MPPED1: variants seen among roughly 807,000 people sequenced by gnomAD.
MPPED1 encodes the protein metallophosphoesterase domain containing 1.
Under a neutral mutation model 36.2 loss-of-function variants are expected in MPPED1, and 16 were observed. The observed-to-expected ratio is 0.44, with a 90% CI of 0.30 to 0.67. The LOEUF (loss-of-function observed/expected upper bound fraction) is 0.67. Ranked by LOEUF, MPPED1 falls within the 30% of genes least tolerant of loss-of-function variation. MPPED1 has a pLI of 0.10. For synonymous variants in MPPED1, 199 were observed against 191.3 expected, an observed-to-expected ratio of 1.04 and a Z score of -0.33; for missense variants, 307 against 453.4, an observed-to-expected ratio of 0.68 and a Z score of 2.93.
chr22:43,468,757 C>T (rs964667021), intron 3 of MPPED1, among the ~76,000 whole-genome samples: 11 of 152,220 alleles, frequency 7.2e-5, no homozygotes, highest in African/African-American at 2.2e-4. Context: ...AATCAGGGCT[C>T]ATGGAGAGCT....
At chr22:43,415,225 C>CAAAAAAAAAAAAA (rs34357060) in intron 1 of MPPED1, among the ~76,000 whole-genome samples, 1 of 49,414 alleles carries the variant, frequency 2.0e-5, no homozygotes, top group Non-Finnish European at 3.5e-5. Flanking sequence ...ATGTCAAAAG[C>CAAAAAAAAAAAAA]AAAAAAAAAA....
Position 43,469,016 on chromosome 22 carries a change from C to T in MPPED1, c.407-5720C>T, listed in dbSNP as rs544239311. Among the ~76,000 whole-genome samples, 9 of 152,294 alleles carry T rather than the reference C, an allele frequency of 5.9e-5. No individual in the cohort carries two copies. In the East Asian group the frequency reaches 1.7e-3, roughly 30 times the overall value. On this transcript the variant is annotated intron_variant, in intron 3 of 6. Transcript: ENST00000443721. The stretch of plus-strand genomic sequence containing the variant: ...GGGGTGCTCTGTAGAGAGGCTTTTT[C>T]TTTAGCTTCCCCATGTTGTGCCCAT...
At chr22:43,495,549 T>G (rs1173036129) in intron 4 of MPPED1, among the ~76,000 whole-genome samples, 3 of 101,298 alleles carry the variant, frequency 3.0e-5, no homozygotes, top group Non-Finnish European at 2.1e-5. Context: ...ATGGTGGTGG[T>G]GGAGATGGTG....
In MPPED1 at chr22:43,505,554, G is replaced by A. The variant is rs745854598; in HGVS notation, c.919G>A (p.Val307Met). ...TTYVNASVCT[V>M]NYQPVNPPIV... is the part of the protein sequence containing the mutation. The stretch of plus-strand genomic sequence containing the variant: ...CTATGTGAATGCGTCCGTATGCACT[G>A]TGAACTACCAGCCCGTGAACCCGCC... Residue 307 changes from valine (V) to methionine (M), a missense_variant, in exon 7 of 7, where the codon GTG becomes ATG. By Grantham distance (21) the Val-to-Met change is conservative. Coordinates refer to ENST00000443721, the MANE Select transcript of MPPED1 (RefSeq NM_001044370.2). The A allele has an allele frequency of 1.2e-6, 2 of 1,612,908 alleles. No individual in the cohort carries two copies. The highest frequency in any genetic ancestry group is 2.2e-5 in the East Asian group (1 of 44,850).
In MPPED1 at chr22:43,473,320, G is replaced by C. The variant is rs1931439142; in HGVS notation, c.407-1416G>C. Among the ~76,000 whole-genome samples, 4 of 152,204 alleles carry C rather than the reference G, an allele frequency of 2.6e-5. No homozygotes were observed. The South Asian group carries it at 8.3e-4, about 32-fold the overall frequency. Reference sequence around the variant, plus strand: ...TGTTCTGGCACCTTGCCCTGTGTGTGCTTTAGCAGATGAAGGTCATGGTCT... The same window carrying C: ...TGTTCTGGCACCTTGCCCTGTGTGTCCTTTAGCAGATGAAGGTCATGGTCT... On this transcript the variant is annotated intron_variant, in intron 3 of 6. Transcript: ENST00000443721.
intron 3 of MPPED1, among the ~76,000 whole-genome samples, chr22:43,438,721 T>C (rs528083715): frequency 3.9e-4 from 59 of 152,222 alleles, no homozygotes; most frequent in African/African-American, 1.4e-3. Flanking sequence ...TTTCTGGTAA[T>C]TTCAAACAAA....
In MPPED1 at chr22:43,419,714, C is replaced by T. The variant is rs533448848; in HGVS notation, c.-78-5194C>T. On this transcript the variant is annotated intron_variant, in intron 1 of 6. Transcript: ENST00000443721. ...GACCATGGTGATGGGGGGTCAAGAC[C>T]GCCAGGAGACCAGACAAGTTTGGGG... Among the ~76,000 whole-genome samples the T allele has an allele frequency of 5.1e-4, 75 of 147,186 alleles. 1 individual carries two copies. The highest frequency in any genetic ancestry group is 1.9e-3 in the African/African-American group (73 of 39,448).
At chr22:43,450,026 C>CAGGT (rs1930508402) in intron 3 of MPPED1, among the ~76,000 whole-genome samples, 1 of 152,168 alleles carries the variant, frequency 6.6e-6, no homozygotes, top group Non-Finnish European at 1.5e-5. Flanking sequence ...GGGACACCAG[C>CAGGT]AGGTACCATG....
At chr22:43,498,431 T>C in intron 5 of MPPED1, 81 bp downstream of exon 5, 1 of 1,123,608 alleles carries the variant, frequency 8.9e-7, no homozygotes, top group Non-Finnish European at 1.3e-6. Context: ...TGGCTGGGCC[T>C]GTATAGGGGA....
At chr22:43,440,642 C>A (rs1301694310) in intron 3 of MPPED1, among the ~76,000 whole-genome samples, 1 of 152,196 alleles carries the variant, frequency 6.6e-6, no homozygotes, top group African/African-American at 2.4e-5. Flanking sequence ...CTGTGACTGG[C>A]AGGTGCCAGG....
At chr22:43,466,492 C>T (rs752700137) in intron 3 of MPPED1, among the ~76,000 whole-genome samples, 7 of 152,132 alleles carry the variant, frequency 4.6e-5, no homozygotes, top group Non-Finnish European at 1.0e-4. Context: ...TGAATAGCCC[C>T]GAAATGCAAT....
At chr22:43,419,829 A>G (rs1170902240) in intron 1 of MPPED1, among the ~76,000 whole-genome samples, 1 of 152,094 alleles carries the variant, frequency 6.6e-6, no homozygotes, top group African/African-American at 2.4e-5. Flanking sequence ...GTTGGCGTCA[A>G]ATGGGACCTG....
In MPPED1 at chr22:43,435,034, G is replaced by C; in HGVS notation, c.225G>C (p.Met75Ile). ...QGRFQPPHVQ[M>I]VDPVPHDAPK... is the part of the protein sequence containing the mutation. The stretch of plus-strand genomic sequence containing the variant: ...TCCGCAGTGTCATCTCTCCCTGCAG[G>C]GTGGACCCGGTGCCTCACGATGCCC... The change falls in exon 3 of 7, where the codon ATG becomes ATC. Residue 75 changes from methionine to isoleucine, a missense_variant and splice_region_variant. Around this residue, in one of 3 missense-constraint regions of MPPED1, gnomAD observed 169 missense variants for 212.3 expected, o/e 0.80. Coordinates refer to ENST00000443721, the MANE Select transcript of MPPED1 (RefSeq NM_001044370.2). The C allele has an allele frequency of 6.2e-7, 1 of 1,613,404 alleles. No homozygotes were observed. Among genetic ancestry groups the C allele is most frequent in the Non-Finnish European group, 8.5e-7 (1 of 1,179,744 alleles).
At chr22:43,475,051 G>GA in intron 4 of MPPED1, 90 bp downstream of exon 4, 1 of 1,187,052 alleles carries the variant, frequency 8.4e-7, no homozygotes, top group Non-Finnish European at 1.2e-6. Context: ...GTAGCAGCAG[G>GA]GAGCTCCGGA....
intron 4 of MPPED1, among the ~76,000 whole-genome samples, chr22:43,486,135 G>C (rs1362275195): frequency 6.6e-6 from 1 of 151,222 alleles, no homozygotes; most frequent in Non-Finnish European, 1.5e-5. Context: ...GGTGTGAAGA[G>C]TCAACACACC....
At chr22:43,447,884 T>TATATATATATATATATA (rs1491157280) in intron 3 of MPPED1, among the ~76,000 whole-genome samples, 162 of 46,094 alleles carry the variant, frequency 3.5e-3, no homozygotes, top group Middle Eastern at 0.011. Context: ...TATATATATA[T>TATATATATATATATATA]TTTTTTTTTT....
intron 3 of MPPED1, among the ~76,000 whole-genome samples, chr22:43,473,608 C>A (rs1931448130): frequency 6.6e-6 from 1 of 152,196 alleles, no homozygotes; most frequent in African/African-American, 2.4e-5. Context: ...CAGGTACCAT[C>A]TTGACTCTCC....
chr22:43,454,201 G>T (rs1297510916), intron 3 of MPPED1, among the ~76,000 whole-genome samples: 1 of 152,088 alleles, frequency 6.6e-6, no homozygotes, highest in African/African-American at 2.4e-5. Context: ...TAGAGAGGGG[G>T]TTTCACTGCG....
Position 43,500,194 on chromosome 22 carries a change from A to T in MPPED1, c.748+1844A>T, listed in dbSNP as rs1236700509. 5.2e-3 allele frequency among the ~76,000 whole-genome samples: 74 copies of T among 14,126 alleles called. 7 individuals carry two copies. The highest frequency in any genetic ancestry group is 6.8e-3 in the Admixed American group (8 of 1,182). The allele number at this position is 14,126 out of a possible 152,430, so 9.3% of individuals were successfully genotyped here. A position where few individuals can be genotyped will look rare whatever the true frequency, so the allele number is the denominator to read the frequency against. ...ATGGAGGTGGTGGTGATGGTGATGG[A>T]GGTGGTAATGGAGGTGGTGGGGGTG... On this transcript the variant is annotated intron_variant, in intron 5 of 6. Transcript: ENST00000443721.
Sources: allele counts gnomAD v4.1 joint callset (sites outside exome capture counted in the v4.1 genomes callset), GRCh38; gene constraint gnomAD v4.1.1; regional missense constraint gnomAD v4.1.1; transcripts MANE v1.5; gene names NCBI Gene and HGNC (gene_info 2026-07-23, HGNC 2026-07-21).